HMG20A: variants seen among roughly 807,000 people sequenced by gnomAD.
HMG20A encodes high mobility group 20A.
In HMG20A, 17 loss-of-function variants were observed where a neutral mutation model predicts 43.9. The observed-to-expected ratio is 0.39, with a 90% confidence interval of 0.27 to 0.58. The LOEUF (loss-of-function observed/expected upper bound fraction) is 0.58. HMG20A is among the 20% of genes least tolerant of loss of function. HMG20A has a pLI of 0.59. For synonymous variants in HMG20A, 132 were observed against 147.5 expected, an observed-to-expected ratio of 0.89 and a Z score of 0.76; for missense variants, 341 against 438.2, an observed-to-expected ratio of 0.78 and a Z score of 1.98.
At chr15:77,458,578 C>A in intron 2 of HMG20A, 82 bp downstream of exon 2, 1 of 880,286 alleles carries the variant, frequency 1.1e-6, no homozygotes. Context: ...CCTAAAGAGG[C>A]AGTTTTATAT....
the HMG20A span, among the ~76,000 whole-genome samples, chr15:77,498,304 A>G: frequency 2.0e-5 from 3 of 152,160 alleles, no homozygotes; most frequent in Non-Finnish European, 2.9e-5. Flanking sequence ...TGCATGTGAT[A>G]CATTTTACTC....
downstream of HMG20A, among the ~76,000 whole-genome samples, chr15:77,489,179 A>C (rs1230647401): frequency 6.6e-6 from 1 of 152,250 alleles, no homozygotes; most frequent in African/African-American, 2.4e-5. Context: ...TAATTTGTGG[A>C]AGACTAAAGG....
intron 1 of HMG20A, among the ~76,000 whole-genome samples, chr15:77,433,505 C>T (rs931239718): frequency 6.6e-6 from 1 of 152,158 alleles, no homozygotes; most frequent in Non-Finnish European, 1.5e-5. Context: ...ATGCCAAGAG[C>T]TGGCAGTGAT....
intron 1 of HMG20A, among the ~76,000 whole-genome samples, chr15:77,449,875 A>T (rs1372124729): frequency 6.6e-6 from 1 of 152,162 alleles, no homozygotes; most frequent in East Asian, 1.9e-4. Context: ...GTTTTGACAG[A>T]TTTATAATGA....
chr15:77,432,189 T>C (rs2073492192), intron 1 of HMG20A, among the ~76,000 whole-genome samples: 1 of 152,140 alleles, frequency 6.6e-6, no homozygotes, highest in Non-Finnish European at 1.5e-5. Flanking sequence ...TAACTGCCAA[T>C]CTAGAAATCA....
At chr15:77,445,763 T>C (rs2073667419) in intron 1 of HMG20A, among the ~76,000 whole-genome samples, 1 of 152,170 alleles carries the variant, frequency 6.6e-6, no homozygotes, top group African/African-American at 2.4e-5. Flanking sequence ...GCTAAGTGAC[T>C]GATGGGCAGG....
chr15:77,429,741 C>T (rs1466275547), intron 1 of HMG20A, among the ~76,000 whole-genome samples: 1 of 152,130 alleles, frequency 6.6e-6, no homozygotes, highest in Non-Finnish European at 1.5e-5. Context: ...CAAATTATTG[C>T]CTATCTACTC....
Position 77,478,331 on chromosome 15 carries a change from A to C in HMG20A, c.728A>C (p.Asn243Thr), listed in dbSNP as rs202005653. Residue 243 changes from asparagine (N) to threonine (T), a missense_variant, in exon 8 of 10, where the codon AAC (asparagine) becomes ACC (threonine). Coordinates refer to ENST00000336216, the MANE Select transcript of HMG20A (RefSeq NM_001304504.2). Reference protein sequence around the residue: ...EAELRQLRKSNMEFEERNAAL... With the variant: ...EAELRQLRKSTMEFEERNAAL... Reference sequence around the variant, plus strand: ...GAGCTCCGCCAGCTTCGCAAATCCAACATGGAGTTTGAGGAGAGGAATGCA... The same window carrying C: ...GAGCTCCGCCAGCTTCGCAAATCCACCATGGAGTTTGAGGAGAGGAATGCA... 2.5e-6 allele frequency: 4 copies of C among 1,613,690 alleles called. No homozygotes were observed. Among genetic ancestry groups the C allele is most frequent in the Non-Finnish European group, 3.4e-6 (4 of 1,180,034 alleles).
At chr15:77,504,665 C>T in the HMG20A span, among the ~76,000 whole-genome samples, 1 of 152,172 alleles carries the variant, frequency 6.6e-6, no homozygotes, top group African/African-American at 2.4e-5. Context: ...CAGCAAGGGG[C>T]AGCACTGGAG....
the HMG20A span, among the ~76,000 whole-genome samples, chr15:77,505,803 G>T: frequency 6.6e-6 from 1 of 152,192 alleles, no homozygotes; most frequent in African/African-American, 2.4e-5. Flanking sequence ...GCAAGCTCAG[G>T]GGCTCCCGGG....
intron 3 of HMG20A, chr15:77,464,611 T>C: frequency 2.6e-6 from 1 of 381,088 alleles, no homozygotes; most frequent in East Asian, 5.3e-5. Context: ...AAATGTATAC[T>C]TACCTCATAT....
intron 1 of HMG20A, among the ~76,000 whole-genome samples, chr15:77,443,855 C>T (rs775167169): frequency 1.3e-5 from 2 of 151,976 alleles, no homozygotes; most frequent in Non-Finnish European, 1.5e-5. Flanking sequence ...GGATCACAGG[C>T]GCGTGCCCCC....
At chr15:77,440,237 T>G (rs1359422266) in intron 1 of HMG20A, among the ~76,000 whole-genome samples, 1 of 152,166 alleles carries the variant, frequency 6.6e-6, no homozygotes. Context: ...TTTGTCCTCT[T>G]TAAGAAATCT....
At chr15:77,462,367 C>T (rs1480925898) in intron 2 of HMG20A, among the ~76,000 whole-genome samples, 1 of 152,174 alleles carries the variant, frequency 6.6e-6, no homozygotes, top group Admixed American at 6.5e-5. Flanking sequence ...CTTGCTCATA[C>T]AATGATATTG....
At chr15:77,431,118 T>C (rs1317508233) in intron 1 of HMG20A, among the ~76,000 whole-genome samples, 1 of 152,240 alleles carries the variant, frequency 6.6e-6, no homozygotes, top group Non-Finnish European at 1.5e-5. Flanking sequence ...GACATCTGAC[T>C]TGTCAACAGA....
At chr15:77,479,395 C>A in intron 9 of HMG20A, 74 bp downstream of exon 9, 2 of 1,386,904 alleles carry the variant, frequency 1.4e-6, no homozygotes, top group Non-Finnish European at 2.0e-6. Context: ...TTTATCAATA[C>A]TACTAAAACC....
chr15:77,439,848 C>T (rs1021265254), intron 1 of HMG20A, among the ~76,000 whole-genome samples: 3 of 152,012 alleles, frequency 2.0e-5, no homozygotes, highest in East Asian at 1.9e-4. Context: ...CCAGTAGCAC[C>T]GTCAGAGAAT....
chr15:77,449,066 A>G (rs1187520235), intron 1 of HMG20A, among the ~76,000 whole-genome samples: 1 of 151,998 alleles, frequency 6.6e-6, no homozygotes, highest in Non-Finnish European at 1.5e-5. Flanking sequence ...ATAAATAAAT[A>G]ATAAAATAAA....
chr15:77,432,463 T>C (rs1420292195), intron 1 of HMG20A, among the ~76,000 whole-genome samples: 1 of 152,196 alleles, frequency 6.6e-6, no homozygotes, highest in Non-Finnish European at 1.5e-5. Context: ...GGCTCACGCC[T>C]GTAATCTCAG....
Sources: gnomAD v4.1 joint callset for allele counts (sites outside exome capture counted in the v4.1 genomes callset) on GRCh38, gnomAD v4.1.1 for gene constraint, MANE v1.5 for transcripts, NCBI Gene and HGNC (gene_info 2026-07-23, HGNC 2026-07-21) for gene names.